Variants in DYNC1H1 observed in about 807,000 individuals in gnomAD.
DYNC1H1 encodes cytoplasmic dynein 1 heavy chain 1.
Under a neutral mutation model 527.1 loss-of-function variants are expected in DYNC1H1, and 51 were observed. The observed-to-expected ratio is 0.10, with a 90% CI of 0.08 to 0.12. The LOEUF is 0.12. DYNC1H1 is among the 10% of genes least tolerant of loss of function. The pLI is 1.00. For missense variants in DYNC1H1, 2,771 were observed against 5,971.8 expected (o/e 0.46, Z 17.66); for synonymous variants, 2,189 against 2,278.8 (o/e 0.96, Z 1.12).
chr14:101,985,812 C>T lies in DYNC1H1; in HGVS notation c.1587C>T (p.Asn529=), dbSNP rs138418906. The T allele has an allele frequency of 4.9e-4, 797 of 1,614,104 alleles. 3 individuals carry two copies. In the African/African-American group the frequency reaches 9.8e-3, roughly 20 times the overall value. The change falls in exon 8 of 78, where the codon AAC becomes AAT. Residue 529 remains asparagine (N), a synonymous_variant. Transcript: ENST00000360184. This position sits in a 1 kb window ranked among gnomAD's most constrained non-coding sequence, Gnocchi z 5.9. The part of the protein sequence containing the change: ...AIEEVNLAYE[N]VKEVDGLDVS... ...AGGAAGTAAACCTTGCTTATGAGAA[C>T]GTCAAGGAAGTGGATGGACTGGATG... is the stretch of plus-strand genomic sequence containing the variant.
intron 51 of DYNC1H1, among the ~76,000 whole-genome samples, 166 bp from the exon 52 acceptor site, chr14:102,032,106 A>G (rs1219218226): frequency 6.6e-6 from 1 of 152,204 alleles, no homozygotes; most frequent in African/African-American, 2.4e-5. Context: ...ACCCTATTCC[A>G]GAGGGTTTAA....
intron 69 of DYNC1H1, chr14:102,043,523 G>A (rs959179466): frequency 2.7e-5 from 10 of 364,328 alleles, no homozygotes; most frequent in African/African-American, 1.3e-4. Flanking sequence ...CCTCCCAGGC[G>A]CCAAGTGAAG....
Position 102,040,377 on chromosome 14 carries a change from T to A in DYNC1H1, c.11832T>A (p.Phe3944Leu). 6.2e-7 allele frequency: 1 copy of A among 1,614,222 alleles called. No individual in the cohort carries two copies. The highest frequency in any genetic ancestry group is 8.5e-7 in the Non-Finnish European group (1 of 1,180,038). The change falls in exon 63 of 78, where the codon TTT becomes TTA. Residue 3944 changes from phenylalanine to leucine, a missense_variant. By Grantham distance (22) the Phe-to-Leu change is conservative. Coordinates refer to ENST00000360184, the MANE Select transcript of DYNC1H1 (RefSeq NM_001376.5). Reference protein sequence around the residue: ...AVVRLSCLPAFKDLIAKVQAD... With the variant: ...AVVRLSCLPALKDLIAKVQAD... Reference sequence around the variant, plus strand: ...TGAGGCTGAGCTGCCTTCCCGCGTTTAAGGACTTGATTGCAAAGGTTCAGG... The same window carrying A: ...TGAGGCTGAGCTGCCTTCCCGCGTTAAAGGACTTGATTGCAAAGGTTCAGG...
chr14:101,994,902 T>A, intron 13 of DYNC1H1, 53 bp downstream of exon 13: 4 of 1,613,892 alleles, frequency 2.5e-6, no homozygotes, highest in African/African-American at 2.7e-5. Flanking sequence ...AAAGCAACAT[T>A]TCTGTTAGAC....
In DYNC1H1 at chr14:102,018,275, C is replaced by A. The variant is rs374910291; in HGVS notation, c.8178-176C>A. Among the ~76,000 whole-genome samples the A allele has an allele frequency of 6.6e-6, 1 of 152,168 alleles. No individual in the cohort carries two copies. Among genetic ancestry groups the A allele is most frequent in the Non-Finnish European group, 1.5e-5 (1 of 68,038 alleles). ...TTTCCATCGACTGTTGTGTGTCAGACCCCAAGCCTGAGCAGCGTGTGTGTG... is the reference window on the plus strand; with the variant it reads ...TTTCCATCGACTGTTGTGTGTCAGAACCCAAGCCTGAGCAGCGTGTGTGTG... On this transcript the variant is annotated intron_variant, in intron 40 of 77. Coordinates refer to ENST00000360184, the MANE Select transcript of DYNC1H1 (RefSeq NM_001376.5). This position sits in a 1 kb window ranked among gnomAD's most constrained non-coding sequence, Gnocchi z 5.2.
rs754413236 is a variant in DYNC1H1, at chr14:102,015,920, C to T, written c.7307C>T (p.Ala2436Val). Residue 2436 changes from alanine (A) to valine (V), a missense_variant, in exon 36 of 78, where the codon GCG becomes GTG. Ala to Val is a moderately conservative substitution (Grantham distance 64). Coordinates refer to ENST00000360184, the MANE Select transcript of DYNC1H1 (RefSeq NM_001376.5). This position sits in a 1 kb window ranked among gnomAD's most constrained non-coding sequence, Gnocchi z 6.9. ...YFTSNGLVTKALEHAFQLEHI... is the reference protein window; with the variant it reads ...YFTSNGLVTKVLEHAFQLEHI... ...ACGTCCAACGGCCTGGTCACCAAGGCGCTAGAGCACGCCTTCCAGCTGGAG... is the reference window on the plus strand; with the variant it reads ...ACGTCCAACGGCCTGGTCACCAAGGTGCTAGAGCACGCCTTCCAGCTGGAG... The T allele has an allele frequency of 1.9e-6, 3 of 1,614,230 alleles. No homozygotes were observed. The highest frequency in any genetic ancestry group is 2.5e-6 in the Non-Finnish European group (3 of 1,180,040).
intron 1 of DYNC1H1, among the ~76,000 whole-genome samples, chr14:101,969,166 T>C (rs992130685): frequency 1.2e-4 from 18 of 150,816 alleles, no homozygotes; most frequent in African/African-American, 3.9e-4. Context: ...TACAGGCGCC[T>C]GCCACCACAC....
intron 43 of DYNC1H1, among the ~76,000 whole-genome samples, chr14:102,023,966 G>T (rs1189552491): frequency 6.6e-6 from 1 of 152,196 alleles, no homozygotes; most frequent in African/African-American, 2.4e-5. Context: ...ATAGGCTGCG[G>T]TTACAGCAGT....
Position 102,042,711 on chromosome 14 carries a change from G to A in DYNC1H1, c.12476G>A (p.Arg4159Lys). ...CCAGGGGTGAAGGCCAACATGCTGA[G>A]GACGTTCAGCAGCATTCCCGTCTCA... Reference protein sequence around the residue: ...PPPGVKANMLRTFSSIPVSRI... With the variant: ...PPPGVKANMLKTFSSIPVSRI... The change falls in exon 69 of 78, where the codon AGG becomes AAG. Residue 4159 changes from arginine (R) to lysine (K), a missense_variant. Coordinates refer to ENST00000360184, the MANE Select transcript of DYNC1H1 (RefSeq NM_001376.5). The surrounding 1 kb of genome is among the most constrained non-coding windows in gnomAD (Gnocchi z 5.7). The A allele has an allele frequency of 6.2e-7, 1 of 1,614,168 alleles. No individual in the cohort carries two copies.
chr14:102,047,639 G>GTACATATATATATATA (rs1287359925), intron 72 of DYNC1H1, 178 bp from the exon 73 acceptor site: 8 of 352,022 alleles, frequency 2.3e-5, no homozygotes, highest in East Asian at 1.2e-4. Context: ...GTGTGTGTGT[G>GTACATATATATATATA]TGTATATATA....
At chr14:102,032,934 C>A in intron 52 of DYNC1H1, 131 bp from the exon 53 acceptor site, 1 of 910,896 alleles carries the variant, frequency 1.1e-6, no homozygotes, top group Non-Finnish European at 1.8e-6. Flanking sequence ...GTCAGTCTAG[C>A]TCATCCCCAG....
In DYNC1H1 at chr14:102,027,859, G is replaced by A. The variant is rs1234951212; in HGVS notation, c.9263+26G>A. The A allele has an allele frequency of 1.3e-5, 21 of 1,614,062 alleles. No homozygotes were observed. The highest frequency in any genetic ancestry group is 1.5e-5 in the Non-Finnish European group (18 of 1,180,044). On this transcript the variant is annotated intron_variant, in intron 47 of 77. Coordinates refer to ENST00000360184, the MANE Select transcript of DYNC1H1 (RefSeq NM_001376.5). This position sits in a 1 kb window ranked among gnomAD's most constrained non-coding sequence, Gnocchi z 7.7. Reference sequence around the variant, plus strand: ...GTACGTGGGCCTTTACTTGGCTCTGGGTCAGGAAAGTCGGTGTCCTTCCAA... The same window carrying A: ...GTACGTGGGCCTTTACTTGGCTCTGAGTCAGGAAAGTCGGTGTCCTTCCAA...
chr14:102,035,874 A>T (rs944371977), intron 56 of DYNC1H1: 1 of 153,416 alleles, frequency 6.5e-6, no homozygotes, highest in South Asian at 2.0e-4. Flanking sequence ...GGTTCTTCTC[A>T]CCATATGCCC....
In DYNC1H1 at chr14:101,979,965, A is replaced by T; in HGVS notation, c.765A>T (p.Glu255Asp). 1 of 1,614,248 alleles carries T rather than the reference A, an allele frequency of 6.2e-7. No individual in the cohort carries two copies. The highest frequency in any genetic ancestry group is 8.5e-7 in the Non-Finnish European group (1 of 1,180,048). Residue 255 changes from glutamate to aspartate, a missense_variant, in exon 4 of 78, where the codon GAA becomes GAT. Glu to Asp is a conservative substitution (Grantham distance 45). Coordinates refer to ENST00000360184, the MANE Select transcript of DYNC1H1 (RefSeq NM_001376.5). This position sits in a 1 kb window ranked among gnomAD's most constrained non-coding sequence, Gnocchi z 4.6. ...LQSGVNRWIR[E>D]IQKVTKLDRD... ...CTGGAGTTAACCGCTGGATCCGAGA[A>T]ATTCAAAAAGTAAGAGCACAGGATT... is the stretch of plus-strand genomic sequence containing the variant.
chr14:102,045,604 C>T (rs1226086751), intron 72 of DYNC1H1, among the ~76,000 whole-genome samples: 1 of 151,614 alleles, frequency 6.6e-6, no homozygotes, highest in African/African-American at 2.4e-5. Context: ...GAACAAGATT[C>T]TGTCTCAAAA....
chr14:102,048,417 T>C, intron 73 of DYNC1H1, 99 bp from the exon 74 acceptor site: 2 of 1,518,440 alleles, frequency 1.3e-6, no homozygotes, highest in Non-Finnish European at 1.8e-6. Context: ...GTTCGGAAGC[T>C]CTGGGGCTCT....
At chr14:102,028,794 C>T (rs2048478854) in intron 48 of DYNC1H1, 1 of 163,218 alleles carries the variant, frequency 6.1e-6, no homozygotes, top group African/African-American at 2.4e-5. Flanking sequence ...AGAGCCAGAT[C>T]ATAAATGTTT....
chr14:101,993,174 A>G (rs1295111990), intron 11 of DYNC1H1, among the ~76,000 whole-genome samples: 2 of 151,952 alleles, frequency 1.3e-5, no homozygotes, highest in African/African-American at 4.8e-5. Flanking sequence ...ATTCAGGCCA[A>G]AAATCATGGT....
intron 2 of DYNC1H1, among the ~76,000 whole-genome samples, chr14:101,977,298 G>A (rs529711880): frequency 2.6e-4 from 39 of 152,262 alleles, no homozygotes; most frequent in Non-Finnish European, 4.4e-4. Context: ...AATGGATTCC[G>A]CATTTTTTTA....
Sources: allele counts gnomAD v4.1 joint callset (sites outside exome capture counted in the v4.1 genomes callset), GRCh38; gene constraint gnomAD v4.1.1; non-coding constraint Gnocchi (gnomAD v3.1); transcripts MANE v1.5; gene names NCBI Gene and HGNC (gene_info 2026-07-23, HGNC 2026-07-21).